Variants in RBFOX3 observed in about 807,000 individuals in gnomAD.
RBFOX3 encodes RNA binding fox-1 homolog 3, also known as RNA binding protein fox-1 homolog 3.
A neutral mutation model predicts 48.7 loss-of-function variants in RBFOX3; 17 were observed. That is an observed-to-expected ratio of 0.35 (90% CI 0.24 to 0.52). The LOEUF (loss-of-function observed/expected upper bound fraction) is 0.52, where lower values mean the gene tolerates loss of function less well. Ranked by LOEUF, RBFOX3 falls within the 20% of genes least tolerant of loss-of-function variation. The pLI, the probability that RBFOX3 is intolerant of heterozygous loss-of-function variation, is 0.94. For synonymous variants in RBFOX3, 212 were observed against 209.5 expected (o/e 1.01, Z -0.10); for missense variants, 382 against 497.5 (o/e 0.77, Z 2.21).
chr17:79,482,084 C>T lies in RBFOX3; in HGVS notation c.-175+370G>A, dbSNP rs944913730. Reference sequence around the variant, plus strand: ...CCGCGGAGCAATCTGGGCAGCAGAACACGAACCGTGCAGGGGAGGGTCAGG... The same window carrying T: ...CCGCGGAGCAATCTGGGCAGCAGAATACGAACCGTGCAGGGGAGGGTCAGG... On this transcript the variant is annotated intron_variant, in intron 2 of 14. Coordinates refer to ENST00000693108, the MANE Select transcript of RBFOX3 (RefSeq NM_001350451.2). The surrounding 1 kb of genome is among the most constrained non-coding windows in gnomAD (Gnocchi z 4.1). Among the ~76,000 whole-genome samples, 2 of 152,164 alleles carry T rather than the reference C, an allele frequency of 1.3e-5. No homozygotes were observed. The highest frequency in any genetic ancestry group is 6.5e-5 in the Admixed American group (1 of 15,278).
At chr17:79,253,497 C>A (rs529556605) in intron 3 of RBFOX3, among the ~76,000 whole-genome samples, 5 of 152,242 alleles carry the variant, frequency 3.3e-5, no homozygotes, top group African/African-American at 1.2e-4. Context: ...GGCGGGGTAT[C>A]CAGGCACAAT....
chr17:79,283,623 G>A (rs2071134766), intron 3 of RBFOX3, among the ~76,000 whole-genome samples: 1 of 152,230 alleles, frequency 6.6e-6, no homozygotes, highest in African/African-American at 2.4e-5. Flanking sequence ...GTGTGTGCTT[G>A]TGACAGGTCC....
Position 79,111,827 on chromosome 17 carries a change from G to T in RBFOX3, c.222+3667C>A, listed in dbSNP as rs2031689098. On this transcript the variant is annotated intron_variant, in intron 5 of 14. Coordinates refer to ENST00000693108, the MANE Select transcript of RBFOX3 (RefSeq NM_001350451.2). The surrounding 1 kb of genome is among the most constrained non-coding windows in gnomAD (Gnocchi z 4.2). ...CCCGAGTGAGTGAATACATGCTCCAGATGGTGACCCCTGCTGGGGAACACA... is the reference window on the plus strand; with the variant it reads ...CCCGAGTGAGTGAATACATGCTCCATATGGTGACCCCTGCTGGGGAACACA... 6.6e-6 allele frequency among the ~76,000 whole-genome samples: 1 copy of T among 152,252 alleles called. No individual in the cohort carries two copies. The highest frequency in any genetic ancestry group is 1.5e-5 in the Non-Finnish European group (1 of 68,048).
At chr17:79,620,343 G>A in the RBFOX3 span, among the ~76,000 whole-genome samples, 3 of 136,828 alleles carry the variant, frequency 2.2e-5, no homozygotes, top group African/African-American at 8.3e-5. Context: ...ACACAGACAT[G>A]CACACACACG....
intron 1 of RBFOX3, among the ~76,000 whole-genome samples, 194 bp downstream of exon 1, chr17:79,610,632 C>T (rs1444419626): frequency 1.8e-4 from 27 of 151,996 alleles, no homozygotes; most frequent in African/African-American, 6.5e-4. Flanking sequence ...ACCCCGACCC[C>T]GCGCAGGGAC....
chr17:79,425,171 T>C (rs2067133930), intron 2 of RBFOX3, among the ~76,000 whole-genome samples: 1 of 152,136 alleles, frequency 6.6e-6, no homozygotes, highest in African/African-American at 2.4e-5. Context: ...TTCTAGAACA[T>C]ACCCAGATCC....
At chr17:79,472,530 A>G (rs1047523689) in intron 2 of RBFOX3, among the ~76,000 whole-genome samples, 2 of 152,240 alleles carry the variant, frequency 1.3e-5, no homozygotes, top group African/African-American at 4.8e-5. Context: ...AGGGGCGGCC[A>G]TGTGAGGACA....
chr17:79,243,286 A>C lies in RBFOX3; in HGVS notation c.-73-7481T>G, dbSNP rs1205815201. 6.6e-6 allele frequency among the ~76,000 whole-genome samples: 1 copy of C among 152,140 alleles called. No homozygotes were observed. The highest frequency in any genetic ancestry group is 2.4e-5 in the African/African-American group (1 of 41,422). On this transcript the variant is annotated intron_variant, in intron 3 of 14. Coordinates refer to ENST00000693108, the MANE Select transcript of RBFOX3 (RefSeq NM_001350451.2). The surrounding 1 kb of genome is among the most constrained non-coding windows in gnomAD (Gnocchi z 7.9). ...ACTCCCGGATAAACCCTGGAGTGTCAGAGTGAGCAGGGGGCAAACCAACGT... is the reference window on the plus strand; with the variant it reads ...ACTCCCGGATAAACCCTGGAGTGTCCGAGTGAGCAGGGGGCAAACCAACGT...
chr17:79,632,631 C>T, the RBFOX3 span, among the ~76,000 whole-genome samples: 1 of 151,698 alleles, frequency 6.6e-6, no homozygotes, highest in Admixed American at 6.6e-5. Flanking sequence ...TGGCGGAGTA[C>T]AGTGGCTCAC....
chr17:79,620,147 A>G, the RBFOX3 span, among the ~76,000 whole-genome samples: 2 of 128,628 alleles, frequency 1.6e-5, no homozygotes, highest in Admixed American at 1.6e-4. Context: ...ACGCGCACAC[A>G]CATGCACGCG....
intron 9 of RBFOX3, chr17:79,098,575 C>G (rs1002156401): frequency 6.6e-6 from 1 of 152,282 alleles, no homozygotes; most frequent in African/African-American, 2.4e-5. Flanking sequence ...GCATCCCAGC[C>G]TCTCCCTTCC....
chr17:79,137,278 C>T (rs2707042), intron 4 of RBFOX3, among the ~76,000 whole-genome samples: 26,865 of 151,986 alleles, frequency 0.18, 2,547 homozygotes, highest in Middle Eastern at 0.22. Flanking sequence ...TGCACACTCA[C>T]AAGACATGCA....
chr17:79,200,149 C>T (rs2612801), intron 4 of RBFOX3, among the ~76,000 whole-genome samples: 8,128 of 128,648 alleles, frequency 0.063, 266 homozygotes, highest in Admixed American at 0.076. Context: ...GGTGACAGAG[C>T]GAGACTCCGT....
Position 79,477,930 on chromosome 17 carries a change from G to A in RBFOX3, c.-175+4524C>T, listed in dbSNP as rs1394748138. On this transcript the variant is annotated intron_variant, in intron 2 of 14. Coordinates refer to ENST00000693108, the MANE Select transcript of RBFOX3 (RefSeq NM_001350451.2). This position sits in a 1 kb window ranked among gnomAD's most constrained non-coding sequence, Gnocchi z 4.8. ...GAGACCCCAGCAACGTCCTTCAGCT[G>A]GGCACCGCCTGTTCCACCCAGGAGC... Among the ~76,000 whole-genome samples the A allele has an allele frequency of 3.9e-5, 6 of 152,146 alleles. No homozygotes were observed. The highest frequency in any genetic ancestry group is 3.3e-4 in the Admixed American group (5 of 15,270).
intron 3 of RBFOX3, among the ~76,000 whole-genome samples, chr17:79,292,941 G>A (rs2073625945): frequency 6.6e-6 from 1 of 152,116 alleles, no homozygotes; most frequent in African/African-American, 2.4e-5. Flanking sequence ...TTTTGCTTTG[G>A]TTTTATGGGG....
intron 4 of RBFOX3, among the ~76,000 whole-genome samples, chr17:79,189,005 C>T (rs947669252): frequency 1.3e-4 from 20 of 152,236 alleles, no homozygotes; most frequent in African/African-American, 1.9e-4. Context: ...GGCCCAGAAT[C>T]CCACAGAAGC....
intron 4 of RBFOX3, among the ~76,000 whole-genome samples, chr17:79,128,957 T>A (rs959492978): frequency 1.3e-5 from 2 of 152,200 alleles, no homozygotes; most frequent in Admixed American, 1.3e-4. Context: ...AAGAAACCTC[T>A]GGTGGTGCTT....
At chr17:79,515,167 G>A (rs1555782896) in intron 1 of RBFOX3, among the ~76,000 whole-genome samples, 1 of 152,204 alleles carries the variant, frequency 6.6e-6, no homozygotes, top group Non-Finnish European at 1.5e-5. Flanking sequence ...ACCCTTTCCG[G>A]AGGAGCAACA....
At chr17:79,193,949 G>A (rs1408376647) in intron 4 of RBFOX3, among the ~76,000 whole-genome samples, 2 of 152,100 alleles carry the variant, frequency 1.3e-5, no homozygotes, top group African/African-American at 2.4e-5. Context: ...GGTGGGAGTG[G>A]GAGAGCATGA....
Sources: allele counts gnomAD v4.1 joint callset (sites outside exome capture counted in the v4.1 genomes callset), GRCh38; gene constraint gnomAD v4.1.1; non-coding constraint Gnocchi (gnomAD v3.1); transcripts MANE v1.5; gene names NCBI Gene and HGNC (gene_info 2026-07-23, HGNC 2026-07-21).